Variants in ZC3H12B observed in about 807,000 individuals in gnomAD.
ZC3H12B encodes the protein probable ribonuclease ZC3H12B.
A neutral mutation model predicts 43.9 loss-of-function variants in ZC3H12B; 7 were observed. The observed-to-expected ratio is 0.16, with a 90% confidence interval of 0.09 to 0.30. The LOEUF is 0.30. Ranked by LOEUF, ZC3H12B falls within the 10% of genes least tolerant of loss-of-function variation. The pLI, the probability that ZC3H12B is intolerant of heterozygous loss-of-function variation, is 1.00. For synonymous variants in ZC3H12B, 222 were observed against 241.7 expected (o/e 0.92, Z 0.76); for missense variants, 475 against 670.2 (o/e 0.71, Z 3.22).
the ZC3H12B span, among the ~76,000 whole-genome samples, chrX:65,075,712 A>C: frequency 8.9e-6 from 1 of 111,819 alleles, no homozygotes; most frequent in African/African-American, 3.3e-5. Context: ...CCTTGTTCTC[A>C]GTAGCCTTCA....
chrX:65,246,454 G>T, the ZC3H12B span, among the ~76,000 whole-genome samples: 1 of 111,518 alleles, frequency 9.0e-6, no homozygotes, highest in East Asian at 2.8e-4. Context: ...AATAGCCAAG[G>T]CAATTCTAAG....
At chrX:65,310,374 C>G in the ZC3H12B span, among the ~76,000 whole-genome samples, 1 of 111,265 alleles carries the variant, frequency 9.0e-6, no homozygotes, top group South Asian at 3.8e-4. Flanking sequence ...AACGGAGAGC[C>G]AAATCATGAG....
chrX:65,286,569 GA>G, the ZC3H12B span, among the ~76,000 whole-genome samples: 1 of 109,588 alleles, frequency 9.1e-6, no homozygotes, highest in African/African-American at 3.3e-5. Flanking sequence ...TAAAAGTTGA[GA>G]AAAAAATATA....
chrX:65,112,357 T>C, the ZC3H12B span, among the ~76,000 whole-genome samples: 1 of 112,278 alleles, frequency 8.9e-6, no homozygotes, highest in East Asian at 2.8e-4. Context: ...CAAGTGCTGA[T>C]GGAAAAGCTG....
intron 1 of ZC3H12B, among the ~76,000 whole-genome samples, chrX:65,495,377 T>C (rs2068264037): frequency 8.9e-6 from 1 of 111,876 alleles, no homozygotes; most frequent in Non-Finnish European, 1.9e-5. Context: ...GCCCCGGATA[T>C]TATATATGAA....
At chrX:65,094,974 A>AT in the ZC3H12B span, among the ~76,000 whole-genome samples, 10 of 111,907 alleles carry the variant, frequency 8.9e-5, no homozygotes, top group Non-Finnish European at 1.3e-4. Context: ...TTTTGCAGGC[A>AT]TTTTTTTCTC....
At chrX:65,062,334 GT>G in the ZC3H12B span, among the ~76,000 whole-genome samples, 5 of 112,073 alleles carry the variant, frequency 4.5e-5, no homozygotes, top group Non-Finnish European at 9.4e-5. Flanking sequence ...GGTAATTTTT[GT>G]TTAAGGTGTA....
At chrX:65,303,715 T>C in the ZC3H12B span, among the ~76,000 whole-genome samples, 1 of 112,541 alleles carries the variant, frequency 8.9e-6, no homozygotes, top group Non-Finnish European at 1.9e-5. Context: ...GGACACTAAG[T>C]AAATTTACAA....
chrX:65,388,184 G>A (rs934781602), intron 2 of ZC3H12B, among the ~76,000 whole-genome samples: 3 of 111,446 alleles, frequency 2.7e-5, no homozygotes, highest in African/African-American at 9.8e-5. Flanking sequence ...TTGAATGTTG[G>A]CCTGCCTTGC....
chrX:65,383,751 T>G (rs769121298), intron 2 of ZC3H12B, among the ~76,000 whole-genome samples: 2 of 110,512 alleles, frequency 1.8e-5, no homozygotes, highest in South Asian at 7.7e-4. Flanking sequence ...TCAAACAAAT[T>G]TACAAGAAAA....
intron 3 of ZC3H12B, among the ~76,000 whole-genome samples, chrX:65,406,613 T>TGGGCGGGGCTGGGCGGGGCC (rs1473836593): frequency 0.017 from 290 of 17,405 alleles, 4 homozygotes; most frequent in Non-Finnish European, 0.083. Flanking sequence ...TGGGCGGGGC[T>TGGGCGGGGCTGGGCGGGGCC]GGGCGGGACT....
the ZC3H12B span, among the ~76,000 whole-genome samples, chrX:65,100,388 C>T: frequency 9.3e-6 from 1 of 107,153 alleles, no homozygotes; most frequent in African/African-American, 3.4e-5. Context: ...ACAGAAGACA[C>T]CACTAAGATA....
chrX:65,198,852 A>C, the ZC3H12B span, among the ~76,000 whole-genome samples: 1 of 111,418 alleles, frequency 9.0e-6, no homozygotes. Flanking sequence ...TTTTTGAGAC[A>C]GTTTCACTCT....
the ZC3H12B span, among the ~76,000 whole-genome samples, chrX:65,174,398 C>T: frequency 1.8e-5 from 2 of 112,608 alleles, no homozygotes; most frequent in African/African-American, 6.4e-5. Context: ...ACAGTAGCTG[C>T]TCTGAAGATG....
the ZC3H12B span, among the ~76,000 whole-genome samples, chrX:65,285,922 G>A: frequency 3.6e-5 from 4 of 111,357 alleles, no homozygotes; most frequent in Admixed American, 9.5e-5. Context: ...ACAGAATAAA[G>A]CCTCACATAT....
At chrX:65,269,913 T>C in the ZC3H12B span, among the ~76,000 whole-genome samples, 1 of 112,016 alleles carries the variant, frequency 8.9e-6, no homozygotes, top group Non-Finnish European at 1.9e-5. Context: ...AGATATCTCA[T>C]GTTCATGGAT....
At chrX:65,042,819 G>T in the ZC3H12B span, among the ~76,000 whole-genome samples, 59 of 111,530 alleles carry the variant, frequency 5.3e-4, no homozygotes, top group African/African-American at 1.8e-3. Flanking sequence ...GTGCATGAGA[G>T]ACTTCAACTA....
chrX:65,209,788 G>C, the ZC3H12B span, among the ~76,000 whole-genome samples: 2 of 103,061 alleles, frequency 1.9e-5, no homozygotes, highest in Non-Finnish European at 3.9e-5. Flanking sequence ...TCTGATCTTT[G>C]ACAAACCTGA....
chrX:65,364,704 G>A (rs2066150780), upstream of ZC3H12B, among the ~76,000 whole-genome samples: 1 of 111,290 alleles, frequency 9.0e-6, no homozygotes, highest in African/African-American at 3.3e-5. Flanking sequence ...CAAGCCACTA[G>A]CCCGCCTCTT....
Sources: allele counts gnomAD v4.1 joint callset (sites outside exome capture counted in the v4.1 genomes callset), GRCh38; gene constraint gnomAD v4.1.1; transcripts MANE v1.5; gene names NCBI Gene and HGNC (gene_info 2026-07-23, HGNC 2026-07-21).